AHI1: variants seen among roughly 807,000 people sequenced by gnomAD.
AHI1 encodes the protein Abelson helper integration site 1, also known as jouberin.
A neutral mutation model predicts 149.3 loss-of-function variants in AHI1; 123 were observed. The ratio of observed to expected loss-of-function variants is 0.82; its 90% CI spans 0.71 to 0.96. The LOEUF (loss-of-function observed/expected upper bound fraction) is 0.96. Ranked by LOEUF, AHI1 falls within the 40% of genes least tolerant of loss-of-function variation. The probability of loss-of-function intolerance (pLI) is 0.00; values close to 1 mark genes in which losing one functional copy is unlikely to be tolerated. For synonymous variants in AHI1, 475 were observed against 459.8 expected, an observed-to-expected ratio of 1.03 and a Z score of -0.42; for missense variants, 1,439 against 1,422.7, an observed-to-expected ratio of 1.01 and a Z score of -0.18.
At chr6:135,405,031 CTGTT>C (rs766489622) in intron 21 of AHI1, 54 bp from the exon 22 acceptor site, 1 of 1,458,036 alleles carries the variant, frequency 6.9e-7, no homozygotes, top group Non-Finnish European at 9.6e-7. Context: ...TAAATATTGA[CTGTT>C]TGCAAAACAC....
At chr6:135,323,902 G>A (rs560182901) in intron 24 of AHI1, among the ~76,000 whole-genome samples, 6 of 152,120 alleles carry the variant, frequency 3.9e-5, no homozygotes, top group African/African-American at 9.6e-5. Flanking sequence ...TACTTGATAC[G>A]AATTTAAGAG....
chr6:135,349,313 T>C (rs559196539), intron 24 of AHI1, among the ~76,000 whole-genome samples: 1 of 152,144 alleles, frequency 6.6e-6, no homozygotes, highest in East Asian at 1.9e-4. Context: ...ATAGTGAGAA[T>C]TTATGAAATG....
At chr6:135,417,043 A>T (rs1453594996) in intron 20 of AHI1, among the ~76,000 whole-genome samples, 1 of 152,132 alleles carries the variant, frequency 6.6e-6, no homozygotes, top group Admixed American at 6.6e-5. Context: ...ACAGAACAAG[A>T]GAAACTTTAA....
intron 3 of AHI1, chr6:135,493,033 G>C (rs1795475721): frequency 1.1e-6 from 1 of 923,462 alleles, no homozygotes; most frequent in African/African-American, 1.8e-5. Context: ...TTTTGAGATG[G>C]AGTCTCCCTT....
At chr6:135,396,748 T>C (rs1201945838) in intron 22 of AHI1, among the ~76,000 whole-genome samples, 1 of 151,710 alleles carries the variant, frequency 6.6e-6, no homozygotes, top group East Asian at 1.9e-4. Context: ...CATTTAAAAA[T>C]CTGGTGCAAA....
intron 25 of AHI1, among the ~76,000 whole-genome samples, chr6:135,320,386 T>A (rs1313593013): frequency 1.3e-5 from 2 of 152,234 alleles, no homozygotes; most frequent in Non-Finnish European, 2.9e-5. Flanking sequence ...CATCAACTCA[T>A]CACTGCAATA....
chr6:135,367,633 T>A (rs1359479900), intron 23 of AHI1, among the ~76,000 whole-genome samples: 1 of 152,186 alleles, frequency 6.6e-6, no homozygotes, highest in Non-Finnish European at 1.5e-5. Flanking sequence ...CTTTTACTTG[T>A]TTGAGTCTAT....
intron 22 of AHI1, among the ~76,000 whole-genome samples, chr6:135,404,630 A>C (rs1285392828): frequency 6.6e-6 from 1 of 152,242 alleles, no homozygotes; most frequent in Non-Finnish European, 1.5e-5. Flanking sequence ...AACTATATTG[A>C]CCGGTGTCTT....
intron 5 of AHI1, among the ~76,000 whole-genome samples, chr6:135,472,013 C>T (rs188220400): frequency 0.038 from 1,564 of 41,456 alleles, 45 homozygotes; most frequent in African/African-American, 0.12. Context: ...AGCGAGACTC[C>T]GTCTCAAAAA....
chr6:135,307,467 G>A (rs1784653582), intron 26 of AHI1, among the ~76,000 whole-genome samples: 1 of 151,926 alleles, frequency 6.6e-6, no homozygotes, highest in Non-Finnish European at 1.5e-5. Context: ...ATCACTTTGA[G>A]TCTCACAAAG....
intron 23 of AHI1, among the ~76,000 whole-genome samples, chr6:135,365,215 A>T (rs1286958987): frequency 6.6e-6 from 1 of 152,176 alleles, no homozygotes; most frequent in East Asian, 1.9e-4. Context: ...CTATAGCTTT[A>T]TAATATAGTT....
At chr6:135,461,539 A>G (rs1789882901) in intron 8 of AHI1, among the ~76,000 whole-genome samples, 1 of 152,048 alleles carries the variant, frequency 6.6e-6, no homozygotes, top group Non-Finnish European at 1.5e-5. Flanking sequence ...AGCAAAAAAT[A>G]TACATAATCT....
chr6:135,406,468 T>A (rs1780810950), intron 21 of AHI1, among the ~76,000 whole-genome samples: 2 of 152,166 alleles, frequency 1.3e-5, no homozygotes, highest in South Asian at 4.1e-4. Context: ...CTCAAAATCC[T>A]CTTCTGGAAA....
intron 20 of AHI1, among the ~76,000 whole-genome samples, chr6:135,415,814 AAC>A (rs372201744): frequency 6.6e-6 from 1 of 152,328 alleles, no homozygotes; most frequent in East Asian, 1.9e-4. Context: ...ACAATTAAAC[AAC>A]ACCCAACAAT....
chr6:135,445,937 T>G (rs1787131493), intron 13 of AHI1, among the ~76,000 whole-genome samples: 1 of 151,468 alleles, frequency 6.6e-6, no homozygotes, highest in Non-Finnish European at 1.5e-5. Context: ...ACGCCTGTAG[T>G]CCCAGCTACT....
intron 21 of AHI1, among the ~76,000 whole-genome samples, chr6:135,410,484 T>C (rs6919163): frequency 0.036 from 5,494 of 152,320 alleles, 351 homozygotes; most frequent in African/African-American, 0.12. Flanking sequence ...CCTATGCCAT[T>C]CCTATGCCTA....
intron 23 of AHI1, among the ~76,000 whole-genome samples, chr6:135,360,223 T>C (rs907187572): frequency 6.6e-6 from 1 of 152,240 alleles, no homozygotes; most frequent in African/African-American, 2.4e-5. Flanking sequence ...AGTAGCATGC[T>C]ATAATGGTTA....
intron 26 of AHI1, among the ~76,000 whole-genome samples, chr6:135,304,623 T>G (rs1784322583): frequency 1.3e-5 from 2 of 151,606 alleles, no homozygotes; most frequent in African/African-American, 4.9e-5. Context: ...ATGCAAAAAT[T>G]AGCCGGGTGT....
chr6:135,363,057 T>G (rs1235360031), intron 23 of AHI1, among the ~76,000 whole-genome samples: 2 of 150,302 alleles, frequency 1.3e-5, no homozygotes, highest in African/African-American at 4.9e-5. Flanking sequence ...ATTATTATTA[T>G]TATTATTTTT....
Sources: allele counts gnomAD v4.1 joint callset (sites outside exome capture counted in the v4.1 genomes callset), GRCh38; gene constraint gnomAD v4.1.1; transcripts MANE v1.5; gene names NCBI Gene and HGNC (gene_info 2026-07-23, HGNC 2026-07-21).